LSP1: variants seen among roughly 807,000 people sequenced by gnomAD.
LSP1 encodes the protein lymphocyte-specific protein 1.
Under a neutral mutation model 49.3 loss-of-function variants are expected in LSP1, and 32 were observed. That is an observed-to-expected ratio of 0.65 (90% CI 0.49 to 0.87). The LOEUF is 0.87. LSP1 is among the 40% of genes least tolerant of loss of function. The probability of loss-of-function intolerance (pLI) is 0.00; values close to 1 mark genes in which losing one functional copy is unlikely to be tolerated. For missense variants in LSP1, 428 were observed against 442.6 expected (o/e 0.97, Z 0.30); for synonymous variants, 179 against 178.8 (o/e 1.00, Z -0.01).
chr11:1,866,842 C>T lies in LSP1; in HGVS notation c.54-13245C>T, dbSNP rs557026040. ...GCCCCTGCCTGGCTGTGCGGTGGCT[C>T]ACCCCCTTGTCACCAGGGGCTCGGC... On this transcript the variant is annotated intron_variant, in intron 1 of 10. Transcript: ENST00000311604. The T allele has an allele frequency of 3.2e-6, 5 of 1,548,302 alleles. No homozygotes were observed. The South Asian group carries it at 4.8e-5, about 15-fold the overall frequency.
chr11:1,884,522 C>G lies in LSP1; in HGVS notation c.658C>G (p.Pro220Ala), dbSNP rs200748215. ...CAGTAACAGTGTGAAGAAATCCCAG[C>G]CAGACTTGCCCATCTCCAAGATTGA... ...EKSNSVKKSQPDLPISKIDQW... is the reference protein window; with the variant it reads ...EKSNSVKKSQADLPISKIDQW... The change falls in exon 7 of 11, where the codon CCA (proline) becomes GCA (alanine). Residue 220 changes from proline to alanine, a missense_variant. By Grantham distance (27) the Pro-to-Ala change is conservative. Transcript: ENST00000311604. The surrounding 1 kb of genome is among the most constrained non-coding windows in gnomAD (Gnocchi z 4.1). 233 of 1,613,782 alleles carry G rather than the reference C, an allele frequency of 1.4e-4. No homozygotes were observed. Among genetic ancestry groups the G allele is most frequent in the Non-Finnish European group, 1.8e-4 (218 of 1,179,922 alleles).
chr11:1,887,367 A>C lies in LSP1; in HGVS notation c.930+53A>C. ...CAGGGTGGGTGCAGCAGGGGAGGGC[A>C]AAGAGGGACTGTCCTCTGTGCATCT... On this transcript the variant is annotated intron_variant, in intron 9 of 10. Transcript: ENST00000311604. The C allele has an allele frequency of 3.1e-6, 5 of 1,591,932 alleles. No homozygotes were observed. In the South Asian group the frequency reaches 4.4e-5, roughly 14 times the overall value.
At chr11:1,877,965 G>T (rs955346142) in intron 1 of LSP1, among the ~76,000 whole-genome samples, 1 of 152,144 alleles carries the variant, frequency 6.6e-6, no homozygotes, top group Non-Finnish European at 1.5e-5. Flanking sequence ...AGCTTCTGGG[G>T]TCTCTGCGCC....
At position 1,887,655 on chromosome 11, in the gene LSP1, G is replaced by A. The variant is rs1565089950; in HGVS notation, c.*13+79G>A. On this transcript the variant is annotated intron_variant, in intron 10 of 10. Transcript: ENST00000311604. ...CTGGGAACTTGGCAACCTGGAGGCT[G>A]CCTGGAGCCCTGTTGCAGGCTACAA... The A allele has an allele frequency of 7.8e-6, 9 of 1,153,232 alleles. No individual in the cohort carries two copies. In the South Asian group the frequency reaches 1.1e-4, roughly 14 times the overall value. 71.4% of individuals were successfully genotyped at this position (1,153,232 alleles called of 1,614,324 possible).
chr11:1,886,908 C>T lies in LSP1; in HGVS notation c.852+42C>T, dbSNP rs376266799. On this transcript the variant is annotated intron_variant, in intron 8 of 10. Transcript: ENST00000311604. Reference sequence around the variant, plus strand: ...GGGCAAGGCTGGGCTGCAGAGCCAGCGCCTGGGAGTTTAGTAGCAGGCCGG... The same window carrying T: ...GGGCAAGGCTGGGCTGCAGAGCCAGTGCCTGGGAGTTTAGTAGCAGGCCGG... 65 of 1,591,588 alleles carry T rather than the reference C, an allele frequency of 4.1e-5. No homozygotes were observed. The Admixed American group carries it at 8.4e-4, about 20-fold the overall frequency.
chr11:1,871,270 G>A (rs1847993970), intron 1 of LSP1: 1 of 986,866 alleles, frequency 1.0e-6, no homozygotes, highest in Non-Finnish European at 1.2e-6. Context: ...GGATGCAGCA[G>A]GCAGGGCCAC....
At chr11:1,870,918 G>C in intron 1 of LSP1, 2 of 985,830 alleles carry the variant, frequency 2.0e-6, no homozygotes, top group Non-Finnish European at 2.4e-6. Flanking sequence ...GCGCCGCAGC[G>C]CTCCCGAGGG....
chr11:1,873,392 G>A (rs950499511), intron 1 of LSP1, among the ~76,000 whole-genome samples: 3 of 151,930 alleles, frequency 2.0e-5, no homozygotes, highest in Non-Finnish European at 4.4e-5. Flanking sequence ...ATGGGTCAGC[G>A]CTGGTTTCTT....
chr11:1,870,359 C>A, intron 1 of LSP1: 1 of 1,266,986 alleles, frequency 7.9e-7, no homozygotes, highest in South Asian at 1.3e-5. Flanking sequence ...CGGGGAGTCT[C>A]CTGGGAAAGA....
rs1848795372 is a variant in LSP1 at position 1,887,300 on chromosome 11, T to C, written c.916T>C (p.Ser306Pro). Reference sequence around the variant, plus strand: ...GGAGCAGAAGGGAGGCTCCAAGACCTCATCAACAATTAAGGTAGAGCCTAA... The same window carrying C: ...GGAGCAGAAGGGAGGCTCCAAGACCCCATCAACAATTAAGGTAGAGCCTAA... ...LWEQKGGSKT[S>P]STIKSTPSGK... is the part of the protein sequence containing the mutation. Residue 306 changes from serine to proline, a missense_variant, in exon 9 of 11, where the codon TCA (serine) becomes CCA (proline). Coordinates refer to ENST00000311604, the MANE Select transcript of LSP1 (RefSeq NM_002339.3). 1 of 1,602,920 alleles carries C rather than the reference T, an allele frequency of 6.2e-7. No homozygotes were observed. Among genetic ancestry groups the C allele is most frequent in the Admixed American group, 1.7e-5 (1 of 58,826 alleles).
chr11:1,878,483 G>A (rs1157460190), intron 1 of LSP1, among the ~76,000 whole-genome samples: 2 of 152,118 alleles, frequency 1.3e-5, no homozygotes, highest in Admixed American at 1.3e-4. Flanking sequence ...TCGGGGGCGC[G>A]GGGGGCGGGG....
rs1465062016 is a variant in LSP1, at chr11:1,884,181, AGGGTTGGG to A, written c.592-96_592-89del. ...GTGCTCAGCGAACCCCCATGATATA[AGGGTTGGG>A]GGTTGGATTAGTGGTTGGAGTAGCT... On this transcript the variant is annotated intron_variant, in intron 5 of 10. Coordinates refer to ENST00000311604, the MANE Select transcript of LSP1 (RefSeq NM_002339.3). This position sits in a 1 kb window ranked among gnomAD's most constrained non-coding sequence, Gnocchi z 4.1. The A allele has an allele frequency of 2.0e-6, 3 of 1,465,840 alleles. No homozygotes were observed. The African/African-American group carries it at 4.2e-5, about 20-fold the overall frequency. The allele number at this position is 1,465,840 out of a possible 1,614,324, so 90.8% of individuals were successfully genotyped here.
chr11:1,887,597 A>G, intron 10 of LSP1, 21 bp downstream of exon 10: 1 of 1,584,182 alleles, frequency 6.3e-7, no homozygotes, highest in Non-Finnish European at 8.7e-7. Context: ...GGCAACTCAC[A>G]GAAGGGGATG....
Position 1,857,142 on chromosome 11 carries a change from G to A in LSP1, c.53+3945G>A, listed in dbSNP as rs370700755. Among the ~76,000 whole-genome samples, 27 of 152,302 alleles carry A rather than the reference G, an allele frequency of 1.8e-4. No homozygotes were observed. In the South Asian group the frequency reaches 5.2e-3, roughly 29 times the overall value. On this transcript the variant is annotated intron_variant, in intron 1 of 10. Transcript: ENST00000311604. The stretch of plus-strand genomic sequence containing the variant: ...TCTTCTTCCTCGTGGGCTGGCAGGC[G>A]CTGCTGTCCACCGACACCCAGCTGG...
At chr11:1,866,798 C>T (rs758125057) in intron 1 of LSP1, 2 of 1,550,234 alleles carry the variant, frequency 1.3e-6, no homozygotes, top group African/African-American at 1.4e-5. Flanking sequence ...GGAAGTGCAG[C>T]CCCCGGAGGA....
At chr11:1,867,385 G>A (rs1392069408) in intron 1 of LSP1, among the ~76,000 whole-genome samples, 3 of 108,654 alleles carry the variant, frequency 2.8e-5, no homozygotes, top group South Asian at 3.3e-4. Flanking sequence ...ACGACCACCC[G>A]GGACAGTACT....
At chr11:1,862,405 C>T (rs1018703075) in intron 1 of LSP1, among the ~76,000 whole-genome samples, 1 of 152,240 alleles carries the variant, frequency 6.6e-6, no homozygotes, top group Admixed American at 6.5e-5. Flanking sequence ...TCCTGCCATT[C>T]CAAGGTAGCT....
At chr11:1,869,123 G>A (rs1847889191) in intron 1 of LSP1, 9 of 602,052 alleles carry the variant, frequency 1.5e-5, no homozygotes, top group Non-Finnish European at 1.9e-5. Context: ...TGAGGGGCTT[G>A]GCCCCTGCCC....
chr11:1,876,128 G>A (rs564092429), intron 1 of LSP1, among the ~76,000 whole-genome samples: 54 of 152,358 alleles, frequency 3.5e-4, no homozygotes, highest in African/African-American at 1.2e-3. Flanking sequence ...ACGCTGTGGT[G>A]GGCGGCTGGC....
Sources: gnomAD v4.1 joint callset for allele counts (sites outside exome capture counted in the v4.1 genomes callset) on GRCh38, gnomAD v4.1.1 for gene constraint, Gnocchi (gnomAD v3.1) non-coding constraint, MANE v1.5 for transcripts, NCBI Gene and HGNC (gene_info 2026-07-23, HGNC 2026-07-21) for gene names.